The following MSN variants were observed in gnomAD, a reference collection of about 807,000 sequenced individuals.
MSN encodes epididymis luminal protein 70.
In MSN, 2 loss-of-function variants were observed where a neutral mutation model predicts 48.0. The ratio of observed to expected loss-of-function variants is 0.04; its 90% CI spans 0.02 to 0.13. The LOEUF is 0.13. Ranked by LOEUF, MSN falls within the 10% of genes least tolerant of loss-of-function variation. The pLI, the probability that MSN is intolerant of heterozygous loss-of-function variation, is 1.00. For missense variants in MSN, 267 were observed against 470.1 expected, an observed-to-expected ratio of 0.57 and a Z score of 3.99; for synonymous variants, 146 against 166.9, an observed-to-expected ratio of 0.87 and a Z score of 0.97.
At chrX:65,659,884 T>A (rs1462435476) in intron 1 of MSN, among the ~76,000 whole-genome samples, 1 of 110,825 alleles carries the variant, frequency 9.0e-6, no homozygotes, top group Non-Finnish European at 1.9e-5. Context: ...ATAAACCTCA[T>A]CAGATCTAAA....
chrX:65,670,085 G>A (rs758075666), intron 1 of MSN, among the ~76,000 whole-genome samples: 50 of 111,809 alleles, frequency 4.5e-4, no homozygotes, highest in African/African-American at 1.5e-3. Flanking sequence ...GAGCAAAGTG[G>A]CCAAGGTTGA....
At chrX:65,634,506 G>A (rs1235282669) in intron 1 of MSN, among the ~76,000 whole-genome samples, 5 of 110,597 alleles carry the variant, frequency 4.5e-5, no homozygotes, top group East Asian at 5.7e-4. Context: ...CCAGCCACTC[G>A]GGAGGCTGAG....
chrX:65,720,044 G>T (rs2071502360), intron 2 of MSN, among the ~76,000 whole-genome samples: 1 of 111,302 alleles, frequency 9.0e-6, no homozygotes, highest in African/African-American at 3.3e-5. Context: ...GAATGCTACT[G>T]CTTCCAAAAC....
intron 1 of MSN, among the ~76,000 whole-genome samples, chrX:65,670,005 C>G (rs759538415): frequency 9.0e-6 from 1 of 111,589 alleles, no homozygotes; most frequent in East Asian, 2.8e-4. Flanking sequence ...AGTTCCCTTT[C>G]TTGCTCCAAA....
intron 1 of MSN, among the ~76,000 whole-genome samples, chrX:65,609,191 TCAGA>T (rs763394368): frequency 1.0e-3 from 110 of 106,787 alleles, no homozygotes; most frequent in African/African-American, 3.6e-3. Flanking sequence ...GGAAAGCCAA[TCAGA>T]CAGGCCTGGG....
intron 1 of MSN, among the ~76,000 whole-genome samples, chrX:65,642,134 CAAAAAAAAAAA>C (rs1220561125): frequency 6.7e-5 from 4 of 59,750 alleles, no homozygotes; most frequent in South Asian, 1.4e-3. Context: ...AACTCCATCT[CAAAAAAAAAAA>C]AAAAAAAAGA....
At chrX:65,644,908 T>C (rs916828069) in intron 1 of MSN, among the ~76,000 whole-genome samples, 2 of 112,530 alleles carry the variant, frequency 1.8e-5, no homozygotes, top group Non-Finnish European at 3.8e-5. Flanking sequence ...CAGAACACCA[T>C]GAAGGGATTT....
intron 1 of MSN, among the ~76,000 whole-genome samples, chrX:65,649,275 A>C (rs957597989): frequency 1.1e-4 from 11 of 103,147 alleles, no homozygotes; most frequent in Non-Finnish European, 2.0e-4. Context: ...ATATATATAT[A>C]TATCTATGGC....
In MSN at chrX:65,672,850, G is replaced by A. The variant is rs1313012294; in HGVS notation, c.12+4997G>A. 1.8e-5 allele frequency among the ~76,000 whole-genome samples: 2 copies of A among 111,605 alleles called. 1 individual carries two copies. The highest frequency in any genetic ancestry group is 3.8e-5 in the Non-Finnish European group (2 of 53,142). ...AGAGCATTGAGTCTCTTATATGTAT[G>A]TTCATTCCTTCAGACATTCTTTCTT... On this transcript the variant is annotated intron_variant, in intron 1 of 12. Coordinates refer to ENST00000360270, the MANE Select transcript of MSN (RefSeq NM_002444.3).
At chrX:65,654,997 T>G (rs781338052) in intron 1 of MSN, among the ~76,000 whole-genome samples, 105 of 111,634 alleles carry the variant, frequency 9.4e-4, no homozygotes, top group Middle Eastern at 4.6e-3. Context: ...CCTTTTTTTT[T>G]GTCTGTCTCC....
intron 1 of MSN, among the ~76,000 whole-genome samples, chrX:65,640,738 T>C (rs1050401026): frequency 2.7e-5 from 3 of 111,647 alleles, no homozygotes; most frequent in Admixed American, 1.9e-4. Context: ...TGGTGAGTTC[T>C]GATGGAGGGC....
In MSN at chrX:65,631,687, T is replaced by G. The variant is rs149947736; in HGVS notation, c.-22+43075T>G. Among the ~76,000 whole-genome samples, 3 of 111,427 alleles carry G rather than the reference T, an allele frequency of 2.7e-5. 1 individual carries two copies. Among genetic ancestry groups the G allele is most frequent in the African/African-American group, 9.8e-5 (3 of 30,679 alleles). On this transcript the variant is annotated intron_variant, in intron 1 of 3. Transcript: ENST00000609672. Reference sequence around the variant, plus strand: ...TAGTTTGGCGCTATTATTATTACTTTATTTTGAGACAGGGTCTCACTCTGT... The same window carrying G: ...TAGTTTGGCGCTATTATTATTACTTGATTTTGAGACAGGGTCTCACTCTGT...
At chrX:65,614,219 C>G (rs2070346357) in intron 1 of MSN, among the ~76,000 whole-genome samples, 1 of 111,253 alleles carries the variant, frequency 9.0e-6, no homozygotes, top group Non-Finnish European at 1.9e-5. Context: ...TGTTCTGTTC[C>G]ATTGGTCTAT....
intron 1 of MSN, among the ~76,000 whole-genome samples, chrX:65,615,983 T>C (rs1280435153): frequency 9.0e-6 from 1 of 111,428 alleles, no homozygotes; most frequent in Admixed American, 9.6e-5. Context: ...CATTGCTTGT[T>C]TTTGTCAGGT....
At chrX:65,705,416 C>T (rs1290408858) in intron 1 of MSN, among the ~76,000 whole-genome samples, 1 of 110,987 alleles carries the variant, frequency 9.0e-6, no homozygotes, top group African/African-American at 3.3e-5. Context: ...GAGTATTTGC[C>T]CTGGGGGTAT....
At chrX:65,722,492 A>G (rs1407499580) in intron 2 of MSN, among the ~76,000 whole-genome samples, 1 of 107,166 alleles carries the variant, frequency 9.3e-6, no homozygotes, top group East Asian at 2.9e-4. Context: ...CAGTGGTGTG[A>G]TCTCACTGCA....
rs184497887 is a variant in MSN, at chrX:65,736,451, T to C, written c.960-344T>C. On this transcript the variant is annotated intron_variant, in intron 8 of 12. Coordinates refer to ENST00000360270, the MANE Select transcript of MSN (RefSeq NM_002444.3). ...AATTCCCCAGGCTTTTTTTTTTTTT[T>C]TTAGATGGAGTCTTGCTCTTTTGCC... Among the ~76,000 whole-genome samples the C allele has an allele frequency of 6.9e-3, 752 of 108,217 alleles. 10 individuals are homozygous for C. The highest frequency in any genetic ancestry group is 0.023 in the African/African-American group (685 of 29,541). The allele number at this position is 108,217 out of a possible 115,157, so 94.0% of individuals were successfully genotyped here. A position where few individuals can be genotyped will look rare whatever the true frequency, so the allele number is the denominator to read the frequency against.
At chrX:65,652,085 T>C (rs184825476) in intron 1 of MSN, among the ~76,000 whole-genome samples, 4 of 108,896 alleles carry the variant, frequency 3.7e-5, no homozygotes, top group African/African-American at 1.3e-4. Context: ...GTGCAGTCTA[T>C]GAGGTCAGAG....
intron 1 of MSN, among the ~76,000 whole-genome samples, chrX:65,599,797 C>T (rs1175481715): frequency 5.4e-5 from 6 of 110,778 alleles, no homozygotes. Context: ...AAAAAGGGGT[C>T]CCAGATTTTG....
Sources: allele counts gnomAD v4.1 joint callset (sites outside exome capture counted in the v4.1 genomes callset), GRCh38; gene constraint gnomAD v4.1.1; transcripts MANE v1.5; gene names NCBI Gene and HGNC (gene_info 2026-07-23, HGNC 2026-07-21).